Variants in VCAN observed in about 807,000 individuals in gnomAD.
VCAN encodes the protein versican.
In VCAN, 44 loss-of-function variants were observed where a neutral mutation model predicts 245.5. The observed-to-expected ratio is 0.18, with a 90% CI of 0.14 to 0.23. The LOEUF (loss-of-function observed/expected upper bound fraction) is 0.23. VCAN is among the 10% of genes least tolerant of loss of function. The pLI, the probability that VCAN is intolerant of heterozygous loss-of-function variation, is 1.00. For missense variants in VCAN, 3,793 were observed against 4,057.9 expected, an observed-to-expected ratio of 0.93 and a Z score of 1.77; for synonymous variants, 1,413 against 1,437.0, an observed-to-expected ratio of 0.98 and a Z score of 0.38.
rs755806449 is a variant in VCAN at position 83,541,066 on chromosome 5, C to T, written c.8063C>T (p.Pro2688Leu). Reference protein sequence around the residue: ...STETELDVLLPTATSLPIPRK... With the variant: ...STETELDVLLLTATSLPIPRK... ...GAAACAGAATTAGACGTTTTACTTC[C>T]CACGGCAACATCCCTGCCAATTCCT... The change falls in exon 8 of 15, where the codon CCC (proline) becomes CTC (leucine). Residue 2688 changes from proline to leucine, a missense_variant. Pro to Leu is a moderately conservative substitution (Grantham distance 98). Transcript: ENST00000265077. 3.7e-5 allele frequency: 60 copies of T among 1,613,896 alleles called. No homozygotes were observed. The highest frequency in any genetic ancestry group is 4.7e-5 in the Non-Finnish European group (56 of 1,179,994).
chr5:83,534,836 T>G (rs547315013), intron 7 of VCAN, among the ~76,000 whole-genome samples: 120 of 152,226 alleles, frequency 7.9e-4, no homozygotes, highest in Non-Finnish European at 1.3e-3. Context: ...TCATATAGTT[T>G]AAACATTTTC....
At chr5:83,490,644 G>T (rs139024075) in intron 3 of VCAN, among the ~76,000 whole-genome samples, 172 bp downstream of exon 3, 280 of 152,272 alleles carry the variant, frequency 1.8e-3, no homozygotes, top group African/African-American at 6.5e-3. Context: ...TCATTCAAAA[G>T]TCAAGGCAGG....
intron 1 of VCAN, among the ~76,000 whole-genome samples, chr5:83,473,772 G>A (rs1224580923): frequency 6.6e-6 from 1 of 152,178 alleles, no homozygotes; most frequent in Non-Finnish European, 1.5e-5. Flanking sequence ...AAGCCCCCCA[G>A]ACCAAGCGAG....
Position 83,520,521 on chromosome 5 carries a change from T to C in VCAN, c.2215T>C (p.Ser739Pro), listed in dbSNP as rs1474833403. ...CTCAGAGCCAATTCATGTTACAGAG[T>C]CTTCTGTGGAAATGACCAAGTCTTT... The part of the protein sequence containing the change: ...SLSEPIHVTE[S>P]SVEMTKSFDF... The change falls in exon 7 of 15, where the codon TCT becomes CCT. Residue 739 changes from serine (S) to proline (P), a missense_variant. Physicochemically the swap from Ser to Pro is moderately conservative, Grantham distance 74. Coordinates refer to ENST00000265077, the MANE Select transcript of VCAN (RefSeq NM_004385.5). The C allele has an allele frequency of 1.9e-6, 3 of 1,613,964 alleles. No homozygotes were observed. Among genetic ancestry groups the C allele is most frequent in the East Asian group, 2.2e-5 (1 of 44,860 alleles).
intron 5 of VCAN, among the ~76,000 whole-genome samples, chr5:83,508,686 G>A (rs1745554702): frequency 6.6e-6 from 1 of 152,090 alleles, no homozygotes. Context: ...CTGACTGCAC[G>A]TTATCTTAAC....
chr5:83,477,198 GATA>G (rs1351726257), intron 1 of VCAN, among the ~76,000 whole-genome samples: 1 of 152,090 alleles, frequency 6.6e-6, no homozygotes, highest in Non-Finnish European at 1.5e-5. Context: ...AAAAAGGGAT[GATA>G]ATATATTATG....
intron 7 of VCAN, among the ~76,000 whole-genome samples, chr5:83,524,172 C>CA (rs532576024): frequency 2.0e-4 from 30 of 149,862 alleles, no homozygotes; most frequent in African/African-American, 3.4e-4. Flanking sequence ...TGGCAGTCAT[C>CA]AAAAAAAAAG....
rs376865420 is a variant in VCAN at position 83,545,601 on chromosome 5, C to G, written c.9330C>G (p.Ser3110=). 2 of 1,614,118 alleles carry G rather than the reference C, an allele frequency of 1.2e-6. No homozygotes were observed. Among genetic ancestry groups the G allele is most frequent in the Non-Finnish European group, 1.7e-6 (2 of 1,179,998 alleles). ...GCACCTGTTATCCTACTGAAACTTC[C>G]TACGTATGCACCTGTGTGCCAGGAT... ...NGGTCYPTET[S]YVCTCVPGYS... The change falls in exon 9 of 15, where the codon TCC becomes TCG. Residue 3110 remains serine, a synonymous_variant. Transcript: ENST00000265077.
chr5:83,527,552 G>A (rs970317893), intron 7 of VCAN, among the ~76,000 whole-genome samples: 4 of 152,126 alleles, frequency 2.6e-5, no homozygotes, highest in East Asian at 3.9e-4. Context: ...GAAAATAAAC[G>A]AACTTAATGA....
At position 83,548,045 on chromosome 5, in the gene VCAN, C is replaced by G. The variant is rs183984308; in HGVS notation, c.9454C>G (p.Leu3152Val). Reference sequence around the variant, plus strand: ...TGATGGTTTTAACACATTCAGGTGCCTCTGCCTTCCAAGTTATGTTGGTGC... The same window carrying G: ...TGATGGTTTTAACACATTCAGGTGCGTCTGCCTTCCAAGTTATGTTGGTGC... ...CVDGFNTFRC[L>V]CLPSYVGALC... The change falls in exon 10 of 15, where the codon CTC becomes GTC. Residue 3152 changes from leucine to valine, a missense_variant. By Grantham distance (32) the Leu-to-Val change is conservative. Transcript: ENST00000265077. 125 of 1,614,048 alleles carry G rather than the reference C, an allele frequency of 7.7e-5. 2 individuals carry two copies. The East Asian group carries it at 2.7e-3, about 35-fold the overall frequency.
chr5:83,543,039 C>T (rs1470799392), intron 8 of VCAN, among the ~76,000 whole-genome samples: 1 of 152,208 alleles, frequency 6.6e-6, no homozygotes, highest in African/African-American at 2.4e-5. Flanking sequence ...CAAGGTGGCA[C>T]AGCCACATTG....
intron 2 of VCAN, among the ~76,000 whole-genome samples, chr5:83,486,811 T>G (rs1744806335): frequency 1.3e-5 from 2 of 152,218 alleles, no homozygotes; most frequent in South Asian, 2.1e-4. Context: ...GGGGCTAATT[T>G]CAGGAGAATT....
intron 5 of VCAN, 33 bp from the exon 6 acceptor site, chr5:83,512,070 C>T (rs1414874675): frequency 1.9e-6 from 3 of 1,612,944 alleles, no homozygotes; most frequent in Non-Finnish European, 2.5e-6. Context: ...AATAATAAAA[C>T]TTTGGGCTTT....
chr5:83,512,009 C>A, intron 5 of VCAN, 94 bp from the exon 6 acceptor site: 1 of 1,536,316 alleles, frequency 6.5e-7, no homozygotes, highest in Non-Finnish European at 8.9e-7. Context: ...AAAAGTATTA[C>A]ATGCTCCTCC....
intron 8 of VCAN, among the ~76,000 whole-genome samples, chr5:83,543,321 A>G (rs1487613987): frequency 6.6e-6 from 1 of 152,182 alleles, no homozygotes; most frequent in African/African-American, 2.4e-5. Flanking sequence ...ATCACCACCT[A>G]GCTGCTACCT....
At chr5:83,558,636 G>A (rs1295792007) in intron 12 of VCAN, among the ~76,000 whole-genome samples, 7 of 152,064 alleles carry the variant, frequency 4.6e-5, no homozygotes, top group Non-Finnish European at 1.5e-5. Flanking sequence ...TAAACTTACA[G>A]TATAAATGTA....
At chr5:83,545,674 G>C in intron 9 of VCAN, 24 bp downstream of exon 9, 1 of 1,562,140 alleles carries the variant, frequency 6.4e-7, no homozygotes, top group Non-Finnish European at 8.8e-7. Flanking sequence ...TGGCTGAAAA[G>C]GTGCAGTTCT....
chr5:83,498,258 T>A (rs1426650127), intron 5 of VCAN, among the ~76,000 whole-genome samples: 1 of 152,210 alleles, frequency 6.6e-6, no homozygotes, highest in Non-Finnish European at 1.5e-5. Flanking sequence ...CTTGAATGTA[T>A]GACTATAATT....
Position 83,567,587 on chromosome 5 carries a change from A to G in VCAN, c.9736-4829A>G, listed in dbSNP as rs184955690. 6.5e-3 allele frequency among the ~76,000 whole-genome samples: 984 copies of G among 152,322 alleles called. 8 individuals carry two copies. Among genetic ancestry groups the G allele is most frequent in the African/African-American group, 0.022 (934 of 41,564 alleles). Reference sequence around the variant, plus strand: ...AGTGCTGGGATAACAGGCATGAGACACTGCACCCGGCAACTCTTTGATTTT... The same window carrying G: ...AGTGCTGGGATAACAGGCATGAGACGCTGCACCCGGCAACTCTTTGATTTT... On this transcript the variant is annotated intron_variant, in intron 12 of 14. Transcript: ENST00000265077.
Sources: allele counts gnomAD v4.1 joint callset (sites outside exome capture counted in the v4.1 genomes callset), GRCh38; gene constraint gnomAD v4.1.1; transcripts MANE v1.5; gene names NCBI Gene and HGNC (gene_info 2026-07-23, HGNC 2026-07-21).